The following TOM1L2 variants were observed in gnomAD, a reference collection of about 807,000 sequenced individuals.
TOM1L2 encodes the protein target of myb1 like 2 membrane trafficking protein.
A neutral mutation model predicts 67.9 loss-of-function variants in TOM1L2; 31 were observed. The observed-to-expected ratio is 0.46, with a 90% confidence interval of 0.34 to 0.62. TOM1L2 has a LOEUF of 0.62. TOM1L2 is among the 20% of genes least tolerant of loss of function. The pLI, the probability that TOM1L2 is intolerant of heterozygous loss-of-function variation, is 0.01. For missense variants in TOM1L2, 606 were observed against 663.5 expected (o/e 0.91, Z 0.95); for synonymous variants, 256 against 254.0 (o/e 1.01, Z -0.07).
At chr17:17,950,083 G>A (rs2041131282) in intron 1 of TOM1L2, among the ~76,000 whole-genome samples, 2 of 151,704 alleles carry the variant, frequency 1.3e-5, no homozygotes. Context: ...CATGTTTCTC[G>A]ATCTCCTGAC....
At chr17:17,891,784 CGTGTGTGTGTGTGT>C (rs374192888) in intron 4 of TOM1L2, among the ~76,000 whole-genome samples, 2 of 143,128 alleles carry the variant, frequency 1.4e-5, no homozygotes, top group African/African-American at 2.6e-5. Flanking sequence ...TGCATGCACA[CGTGTGTGTGTGTGT>C]GTGTGTGTGT....
intron 14 of TOM1L2, among the ~76,000 whole-genome samples, chr17:17,848,374 G>A (rs568677898): frequency 3.3e-5 from 5 of 152,156 alleles, no homozygotes; most frequent in Non-Finnish European, 7.4e-5. Context: ...GGATGTGAAG[G>A]GCAGGGGATG....
chr17:17,901,742 A>T (rs1181664054), intron 2 of TOM1L2, among the ~76,000 whole-genome samples: 1 of 152,218 alleles, frequency 6.6e-6, no homozygotes, highest in Non-Finnish European at 1.5e-5. Flanking sequence ...CTATGAGCTG[A>T]GGAGGGTCCA....
At position 17,884,634 on chromosome 17, in the gene TOM1L2, C is replaced by T; in HGVS notation, c.501G>A (p.Arg167=). The change falls in exon 5 of 15, where the codon CGG becomes CGA. Residue 167 remains arginine, a splice_region_variant and synonymous_variant. Coordinates refer to ENST00000379504, the MANE Select transcript of TOM1L2 (RefSeq NM_001082968.2). The stretch of plus-strand genomic sequence containing the variant: ...TAGAAAGTGCCAGCTGGAAGCTTAC[C>T]CGCTGTGGTGTGTGTATGGGAGACA... The part of the protein sequence containing the change: ...DALSPIHTPQ[R]SVPEVDPAAT... The T allele has an allele frequency of 6.2e-7, 1 of 1,613,964 alleles. No homozygotes were observed. Among genetic ancestry groups the T allele is most frequent in the Non-Finnish European group, 8.5e-7 (1 of 1,180,002 alleles).
chr17:17,904,690 A>G (rs557460044), intron 2 of TOM1L2, among the ~76,000 whole-genome samples: 1 of 152,312 alleles, frequency 6.6e-6, no homozygotes, highest in African/African-American at 2.4e-5. Flanking sequence ...CAGAGAATGC[A>G]GCACCTGACC....
intron 2 of TOM1L2, among the ~76,000 whole-genome samples, chr17:17,904,480 C>G (rs1201463921): frequency 4.6e-5 from 7 of 152,152 alleles, no homozygotes. Context: ...GAAAGATCAG[C>G]AGGGTTGAAG....
intron 1 of TOM1L2, among the ~76,000 whole-genome samples, chr17:17,932,655 G>A (rs1426299072): frequency 6.6e-6 from 1 of 152,170 alleles, no homozygotes; most frequent in Non-Finnish European, 1.5e-5. Flanking sequence ...TTTGGAACCA[G>A]ACAGAACTAC....
intron 1 of TOM1L2, among the ~76,000 whole-genome samples, chr17:17,943,148 T>G (rs1018934575): frequency 6.6e-6 from 1 of 152,028 alleles, no homozygotes; most frequent in Non-Finnish European, 1.5e-5. Context: ...TTTTCTATGA[T>G]AAGAAAAAGC....
At position 17,884,745 on chromosome 17, in the gene TOM1L2, G is replaced by A. The variant is rs765784686; in HGVS notation, c.390C>T (p.Ser130=). ...GCACAACGCCGGTGAGATCAGGACT[G>A]CTTCGAAAGGCATCAGCCCATGCCT... ...LIQAWADAFR[S]SPDLTGVVHI... is the part of the protein sequence containing the mutation. The change falls in exon 5 of 15, where the codon AGC becomes AGT. Residue 130 remains serine, a synonymous_variant. Transcript: ENST00000379504. The A allele has an allele frequency of 6.2e-7, 1 of 1,613,638 alleles. No homozygotes were observed. The highest frequency in any genetic ancestry group is 8.5e-7 in the Non-Finnish European group (1 of 1,180,014).
In TOM1L2 at chr17:17,862,671, C is replaced by A. The variant is rs2036622508; in HGVS notation, c.1202+60G>T. 24 of 1,405,260 alleles carry A rather than the reference C, an allele frequency of 1.7e-5. No homozygotes were observed. In the South Asian group the frequency reaches 2.9e-4, roughly 17 times the overall value. The allele number at this position is 1,405,260 out of a possible 1,614,324, so 87.0% of individuals were successfully genotyped here. A position where few individuals can be genotyped will look rare whatever the true frequency, so the allele number is the denominator to read the frequency against. Reference sequence around the variant, plus strand: ...AATGCCTTTTTGTGCTGGCCTGTGACCAGGCATGGGTCAATCCCCCCAATA... The same window carrying A: ...AATGCCTTTTTGTGCTGGCCTGTGAACAGGCATGGGTCAATCCCCCCAATA... On this transcript the variant is annotated intron_variant, in intron 11 of 14. Transcript: ENST00000379504.
At chr17:17,935,118 G>A (rs903113985) in intron 1 of TOM1L2, among the ~76,000 whole-genome samples, 19 of 152,294 alleles carry the variant, frequency 1.2e-4, no homozygotes, top group Non-Finnish European at 2.5e-4. Flanking sequence ...GTACATTCTC[G>A]GCAAACCCTT....
intron 1 of TOM1L2, among the ~76,000 whole-genome samples, chr17:17,929,830 C>T (rs975894195): frequency 1.8e-4 from 28 of 152,328 alleles, no homozygotes; most frequent in Admixed American, 1.6e-3. Flanking sequence ...CAGTCAGATA[C>T]CACTTCTGCC....
At chr17:17,877,577 G>A (rs2037485565) in intron 7 of TOM1L2, among the ~76,000 whole-genome samples, 1 of 152,188 alleles carries the variant, frequency 6.6e-6, no homozygotes. Flanking sequence ...AAGAAGGGGT[G>A]GGAAGATGTC....
At chr17:17,848,199 G>T (rs983364236) in intron 14 of TOM1L2, among the ~76,000 whole-genome samples, 1 of 152,162 alleles carries the variant, frequency 6.6e-6, no homozygotes, top group Non-Finnish European at 1.5e-5. Context: ...CAGTGGGGAG[G>T]GGGGAGTGCC....
In TOM1L2 at chr17:17,894,216, G is replaced by A. The variant is rs75865442; in HGVS notation, c.217-406C>T. ...ATGGGCTCTGTCACAAGAGGAGGCT[G>A]CTATGACAGCTTGAATTGCTTAGTG... is the stretch of plus-strand genomic sequence containing the variant. On this transcript the variant is annotated intron_variant, in intron 3 of 14. Coordinates refer to ENST00000379504, the MANE Select transcript of TOM1L2 (RefSeq NM_001082968.2). 7.3e-3 allele frequency among the ~76,000 whole-genome samples: 1,109 copies of A among 152,322 alleles called. 8 individuals are homozygous for A. The highest frequency in any genetic ancestry group is 9.5e-3 in the Non-Finnish European group (647 of 68,028).
intron 2 of TOM1L2, among the ~76,000 whole-genome samples, chr17:17,902,816 G>C (rs964249623): frequency 2.0e-4 from 31 of 152,236 alleles, no homozygotes; most frequent in African/African-American, 7.2e-4. Context: ...TGAAGATACA[G>C]TTATGTAGCC....
chr17:17,881,383 T>G (rs985355346), intron 6 of TOM1L2, among the ~76,000 whole-genome samples: 1 of 152,172 alleles, frequency 6.6e-6, no homozygotes, highest in Non-Finnish European at 1.5e-5. Context: ...TCAGGGCTCC[T>G]GTGCTACCTA....
intron 1 of TOM1L2, among the ~76,000 whole-genome samples, chr17:17,938,947 GAC>G (rs1312958381): frequency 1.3e-5 from 2 of 152,080 alleles, no homozygotes; most frequent in East Asian, 3.9e-4. Context: ...GACTTGCCCA[GAC>G]ACACACACAG....
chr17:17,898,862 G>T (rs955150378), intron 2 of TOM1L2, among the ~76,000 whole-genome samples, 188 bp from the exon 3 acceptor site: 1 of 152,196 alleles, frequency 6.6e-6, no homozygotes, highest in African/African-American at 2.4e-5. Flanking sequence ...TGACACAATG[G>T]AATACTATGC....
Sources: gnomAD v4.1 joint callset for allele counts (sites outside exome capture counted in the v4.1 genomes callset) on GRCh38, gnomAD v4.1.1 for gene constraint, MANE v1.5 for transcripts, NCBI Gene and HGNC (gene_info 2026-07-23, HGNC 2026-07-21) for gene names.